Variants in LIX1 observed in about 807,000 individuals in gnomAD.
The protein encoded by LIX1 is limb and CNS expressed 1.
LIX1 carries 24 observed loss-of-function variants against 33.4 expected under a neutral mutation model. The ratio of observed to expected loss-of-function variants is 0.72; its 90% CI spans 0.52 to 1.01. The LOEUF is 1.01. Among genes scored for constraint, LIX1 ranks in the 50% least tolerant of loss-of-function variants. The pLI is 0.00. For synonymous variants in LIX1, 124 were observed against 124.0 expected, an observed-to-expected ratio of 1.00 and a Z score of 0.00; for missense variants, 311 against 339.2, an observed-to-expected ratio of 0.92 and a Z score of 0.65.
At chr5:97,123,736 G>A (rs1463620998) in intron 2 of LIX1, among the ~76,000 whole-genome samples, 1 of 152,140 alleles carries the variant, frequency 6.6e-6, no homozygotes, top group Non-Finnish European at 1.5e-5. Flanking sequence ...TGATGTGAGT[G>A]CCTACCTGTC....
chr5:97,141,528 T>C (rs549602510), intron 1 of LIX1, among the ~76,000 whole-genome samples: 107 of 152,256 alleles, frequency 7.0e-4, no homozygotes, highest in African/African-American at 2.4e-3. Context: ...ATATGAGAAA[T>C]CTAAGCTAAG....
chr5:97,126,297 C>A (rs1194803158), intron 1 of LIX1, among the ~76,000 whole-genome samples: 1 of 152,196 alleles, frequency 6.6e-6, no homozygotes, highest in Non-Finnish European at 1.5e-5. Context: ...TGGAGTATCT[C>A]AGAGTGTGAT....
chr5:97,133,392 A>G (rs1378424163), intron 1 of LIX1, among the ~76,000 whole-genome samples: 1 of 152,240 alleles, frequency 6.6e-6, no homozygotes, highest in African/African-American at 2.4e-5. Flanking sequence ...AAATGCTCAG[A>G]AAAGAACTTC....
intron 5 of LIX1, among the ~76,000 whole-genome samples, chr5:97,096,213 G>T (rs1337100245): frequency 6.6e-6 from 1 of 152,104 alleles, no homozygotes; most frequent in Non-Finnish European, 1.5e-5. Flanking sequence ...GTTCACATTA[G>T]CTATTAAAAA....
At chr5:97,120,953 TA>T (rs1276415165) in intron 2 of LIX1, among the ~76,000 whole-genome samples, 18 of 152,350 alleles carry the variant, frequency 1.2e-4, no homozygotes, top group Admixed American at 9.2e-4. Flanking sequence ...AGTATTCTTA[TA>T]TTACACTCCT....
chr5:97,136,831 A>G (rs923163432), intron 1 of LIX1, among the ~76,000 whole-genome samples: 3 of 152,128 alleles, frequency 2.0e-5, no homozygotes, highest in Non-Finnish European at 4.4e-5. Flanking sequence ...ATAATTGTCT[A>G]TTTTGTCAAT....
At chr5:97,118,464 A>C (rs1210608174) in intron 2 of LIX1, among the ~76,000 whole-genome samples, 1 of 152,224 alleles carries the variant, frequency 6.6e-6, no homozygotes, top group African/African-American at 2.4e-5. Context: ...GAGGGGAGCC[A>C]GACGTGGATC....
chr5:97,107,398 T>A lies in LIX1; in HGVS notation c.349A>T (p.Ile117Phe), dbSNP rs771783696. 6.2e-6 allele frequency: 10 copies of A among 1,612,572 alleles called. No individual in the cohort carries two copies. In the South Asian group the frequency reaches 1.1e-4, roughly 18 times the overall value. Reference sequence around the variant, plus strand: ...ACTGCTTCCTGAACACTTTCCATAATGAATTCCTTGGTGATCCTGCGAGAG... The same window carrying A: ...ACTGCTTCCTGAACACTTTCCATAAAGAATTCCTTGGTGATCCTGCGAGAG... ...LPSRRITKEF[I>F]MESVQEAVAS... The change falls in exon 3 of 6, where the codon ATT becomes TTT. Residue 117 changes from isoleucine (I) to phenylalanine (F), a missense_variant. Coordinates refer to ENST00000274382, the MANE Select transcript of LIX1 (RefSeq NM_153234.5).
intron 2 of LIX1, among the ~76,000 whole-genome samples, chr5:97,118,637 TATTTC>T (rs1375167626): frequency 2.0e-5 from 3 of 152,198 alleles, no homozygotes; most frequent in Admixed American, 6.6e-5. Flanking sequence ...GTTAGAAAAT[TATTTC>T]TTTTATAAAA....
rs80016765 is a variant in LIX1 at position 97,127,515 on chromosome 5, C to A, written c.83-2886G>T. Among the ~76,000 whole-genome samples the A allele has an allele frequency of 4.0e-3, 602 of 152,056 alleles. 3 individuals are homozygous for A. The highest frequency in any genetic ancestry group is 4.6e-3 in the Non-Finnish European group (314 of 67,970). The stretch of plus-strand genomic sequence containing the variant: ...TCTTTCTATCTCTATCTATTCTTGT[C>A]GACTCAAAAACCAGACAAATGAAGT... On this transcript the variant is annotated intron_variant, in intron 1 of 5. Transcript: ENST00000274382.
At chr5:97,111,850 GA>G (rs978452469) in intron 2 of LIX1, among the ~76,000 whole-genome samples, 4 of 152,278 alleles carry the variant, frequency 2.6e-5, no homozygotes, top group African/African-American at 9.6e-5. Flanking sequence ...TGAGAGAACA[GA>G]AAGAGCCTTT....
At chr5:97,110,704 A>G (rs1199291662) in intron 2 of LIX1, among the ~76,000 whole-genome samples, 1 of 152,246 alleles carries the variant, frequency 6.6e-6, no homozygotes, top group Non-Finnish European at 1.5e-5. Flanking sequence ...TTGGCCTCCC[A>G]AAGTGCTGAA....
At position 97,138,882 on chromosome 5, in the gene LIX1, A is replaced by C. The variant is rs1748224405; in HGVS notation, c.82+3613T>G. On this transcript the variant is annotated intron_variant, in intron 1 of 5. Coordinates refer to ENST00000274382, the MANE Select transcript of LIX1 (RefSeq NM_153234.5). ...TGAGACTCCAAGGAAATGTTCATTG[A>C]AGCATTTCAGATTTCAGATTTTCAG... is the stretch of plus-strand genomic sequence containing the variant. Among the ~76,000 whole-genome samples, 3 of 152,288 alleles carry C rather than the reference A, an allele frequency of 2.0e-5. No individual in the cohort carries two copies. The South Asian group carries it at 6.2e-4, about 32-fold the overall frequency.
chr5:97,111,637 C>T (rs1017064824), intron 2 of LIX1, among the ~76,000 whole-genome samples: 1 of 152,182 alleles, frequency 6.6e-6, no homozygotes, highest in South Asian at 2.1e-4. Flanking sequence ...GAATTAGATT[C>T]AGATCCAGGC....
At chr5:97,104,345 G>T (rs1746897797) in intron 4 of LIX1, among the ~76,000 whole-genome samples, 1 of 152,100 alleles carries the variant, frequency 6.6e-6, no homozygotes, top group African/African-American at 2.4e-5. Context: ...GTTTATGGAT[G>T]TTCAACTGCA....
intron 1 of LIX1, among the ~76,000 whole-genome samples, chr5:97,135,338 T>A (rs984180572): frequency 6.6e-6 from 1 of 152,220 alleles, no homozygotes; most frequent in Non-Finnish European, 1.5e-5. Context: ...AAAAAGTTTT[T>A]AAGTATACCA....
chr5:97,108,240 C>G (rs1214022252), intron 2 of LIX1, among the ~76,000 whole-genome samples: 1 of 152,200 alleles, frequency 6.6e-6, no homozygotes, highest in Non-Finnish European at 1.5e-5. Flanking sequence ...CCCTGATTTT[C>G]TTGAGGACTA....
At chr5:97,113,521 A>G (rs6876344) in intron 2 of LIX1, among the ~76,000 whole-genome samples, 1,684 of 152,272 alleles carry the variant, frequency 0.011, 25 homozygotes, top group African/African-American at 0.039. Flanking sequence ...TTACCACAAC[A>G]ATCCTATAAA....
chr5:97,111,991 C>T (rs139478882), intron 2 of LIX1, among the ~76,000 whole-genome samples: 4 of 152,254 alleles, frequency 2.6e-5, no homozygotes, highest in African/African-American at 9.6e-5. Context: ...GAAAGTGTTC[C>T]AATTAATAAG....
Sources: gnomAD v4.1 joint callset for allele counts (sites outside exome capture counted in the v4.1 genomes callset) on GRCh38, gnomAD v4.1.1 for gene constraint, MANE v1.5 for transcripts, NCBI Gene and HGNC (gene_info 2026-07-23, HGNC 2026-07-21) for gene names.